The following ZKSCAN4 variants were observed in gnomAD, a reference collection of about 807,000 sequenced individuals.
ZKSCAN4 encodes the protein zinc finger protein with KRAB and SCAN domains 4.
In ZKSCAN4, 23 loss-of-function variants were observed where a neutral mutation model predicts 30.8. That is an observed-to-expected ratio of 0.75 (90% confidence interval 0.54 to 1.06). The LOEUF is 1.06. ZKSCAN4 is among the 50% of genes least tolerant of loss of function. The probability of loss-of-function intolerance (pLI) is 0.00; values close to 1 mark genes in which losing one functional copy is unlikely to be tolerated. For synonymous variants in ZKSCAN4, 208 were observed against 252.5 expected (o/e 0.82, Z 1.67); for missense variants, 556 against 665.4 (o/e 0.84, Z 1.81).
upstream of ZKSCAN4, among the ~76,000 whole-genome samples, chr6:28,252,379 C>T (rs1276182405): frequency 6.6e-6 from 1 of 151,996 alleles, no homozygotes; most frequent in Non-Finnish European, 1.5e-5. Flanking sequence ...TCCTTACCTC[C>T]ACGCAAGGGA....
the ZKSCAN4 span, among the ~76,000 whole-genome samples, chr6:28,258,016 C>T: frequency 2.0e-5 from 3 of 152,234 alleles, no homozygotes; most frequent in Non-Finnish European, 2.9e-5. Context: ...TGACCATTCA[C>T]ATATAATACT....
upstream of ZKSCAN4, among the ~76,000 whole-genome samples, chr6:28,254,134 A>T (rs544127982): frequency 6.6e-6 from 1 of 152,230 alleles, no homozygotes; most frequent in South Asian, 2.1e-4. Context: ...CCCAGGGAAG[A>T]GTTCAAGGGC....
At chr6:28,258,015 A>G in the ZKSCAN4 span, among the ~76,000 whole-genome samples, 84 of 152,236 alleles carry the variant, frequency 5.5e-4, no homozygotes, top group African/African-American at 2.0e-3. Context: ...GTGACCATTC[A>G]CATATAATAC....
In ZKSCAN4 at chr6:28,245,847, G is replaced by A. The variant is rs776021837; in HGVS notation, c.907C>T (p.Gln303Ter). The A allele has an allele frequency of 6.2e-7, 1 of 1,614,162 alleles. No homozygotes were observed. Among genetic ancestry groups the A allele is most frequent in the Non-Finnish European group, 8.5e-7 (1 of 1,180,020 alleles). The part of the protein sequence containing the change: ...QIPTHAEAGE[Q>*]EGRLQRKQKN... ...TGCTTTCTTTGTAACCTGCCCTCCT[G>A]TTCACCAGCTTCTGCATGTGTAGGA... Residue 303 changes from glutamine (Q) to a stop codon, truncating the protein, a stop_gained, in exon 5 of 5, where the codon CAG becomes TAG. Coordinates refer to ENST00000377294, the MANE Select transcript of ZKSCAN4 (RefSeq NM_019110.5). LOFTEE classifies it low-confidence loss of function (END_TRUNC).
chr6:28,255,318 A>G (rs1581594044), upstream of ZKSCAN4, among the ~76,000 whole-genome samples: 1 of 152,190 alleles, frequency 6.6e-6, no homozygotes, highest in African/African-American at 2.4e-5. Flanking sequence ...GCTGCTTTTT[A>G]TAGCTTTCTC....
rs1270648163 is a variant in ZKSCAN4 at position 28,242,834 on chromosome 6, T to C, written c.*2282A>G. Among the ~76,000 whole-genome samples the C allele has an allele frequency of 6.6e-6, 1 of 152,232 alleles. No individual in the cohort carries two copies. Among genetic ancestry groups the C allele is most frequent in the Non-Finnish European group, 1.5e-5 (1 of 68,032 alleles). On this transcript the variant is annotated 3_prime_UTR_variant, in exon 5 of 5. Transcript: ENST00000377294. ...GCATAGCAGACACTGAAAAGTACTTTTCTACAATATTTCCCTCCTCTACAG... is the reference window on the plus strand; with the variant it reads ...GCATAGCAGACACTGAAAAGTACTTCTCTACAATATTTCCCTCCTCTACAG...
At position 28,244,532 on chromosome 6, in the gene ZKSCAN4, A is replaced by G. The variant is rs1760619709; in HGVS notation, c.*584T>C. ...ACAGTATGTACGTGGCAACAAATAC[A>G]CTAGATTGGCCCAGAATCTAGAACC... On this transcript the variant is annotated 3_prime_UTR_variant, in exon 5 of 5. Transcript: ENST00000377294. The G allele has an allele frequency of 6.0e-6, 1 of 166,410 alleles. No homozygotes were observed. The highest frequency in any genetic ancestry group is 1.5e-4 in the South Asian group (1 of 6,536). The allele number at this position is 166,410 out of a possible 1,614,324, so 10.3% of individuals were successfully genotyped here.
Position 28,245,653 on chromosome 6 carries a change from CT to C in ZKSCAN4, c.1100del (p.Gln367ArgfsTer82). Reference protein sequence around the residue: ...FIGSSALVIHQRVHTGEKPYE... With the variant: ...FIGSSALVIHXRVHTGEKPYE... ...ATGGCTTCTCACCAGTGTGGACTCT[CT>C]GATGAATGACAAGGGCAGAGCTCCC... is the stretch of plus-strand genomic sequence containing the variant. On this transcript the variant is annotated frameshift_variant, in exon 5 of 5. Coordinates refer to ENST00000377294, the MANE Select transcript of ZKSCAN4 (RefSeq NM_019110.5). LOFTEE classifies it low-confidence loss of function (END_TRUNC). The C allele has an allele frequency of 6.2e-7, 1 of 1,614,224 alleles. No homozygotes were observed. Among genetic ancestry groups the C allele is most frequent in the Admixed American group, 1.7e-5 (1 of 60,020 alleles).
rs762597937 is a variant in ZKSCAN4, at chr6:28,245,451, T to A, written c.1303A>T (p.Asn435Tyr). The A allele has an allele frequency of 6.2e-7, 1 of 1,614,112 alleles. No individual in the cohort carries two copies. Residue 435 changes from asparagine to tyrosine, a missense_variant, in exon 5 of 5, where the codon AAT (asparagine) becomes TAT (tyrosine). By Grantham distance (143) the Asn-to-Tyr change is moderately radical. This residue lies in a region of ZKSCAN4 where 433 missense variants were observed against 511.5 expected (regional missense o/e 0.85). Coordinates refer to ENST00000377294, the MANE Select transcript of ZKSCAN4 (RefSeq NM_019110.5). ...IHTGEKPYQC[N>Y]MCGKAFRRNS... ...CGCCTAAAGGCTTTGCCACACATATTGCACTGGTATGGCTTCTCCCCAGTA... is the reference window on the plus strand; with the variant it reads ...CGCCTAAAGGCTTTGCCACACATATAGCACTGGTATGGCTTCTCCCCAGTA...
chr6:28,253,398 A>T (rs1761087618), upstream of ZKSCAN4, among the ~76,000 whole-genome samples: 1 of 152,226 alleles, frequency 6.6e-6, no homozygotes, highest in African/African-American at 2.4e-5. The surrounding 1 kb of genome is among the most constrained non-coding windows in gnomAD (Gnocchi z 4.2). Flanking sequence ...AAATAACATA[A>T]CTTAAGAAAA....
chr6:28,253,944 G>C (rs1248946529), upstream of ZKSCAN4, among the ~76,000 whole-genome samples: 1 of 152,152 alleles, frequency 6.6e-6, no homozygotes, highest in Non-Finnish European at 1.5e-5. The surrounding 1 kb of genome is among the most constrained non-coding windows in gnomAD (Gnocchi z 4.2). Context: ...GAGCCACCAC[G>C]CCTGGCCAAC....
In ZKSCAN4 at chr6:28,249,231, A is replaced by C. The variant is rs1407431773; in HGVS notation, c.571+456T>G. 6.6e-6 allele frequency among the ~76,000 whole-genome samples: 1 copy of C among 152,194 alleles called. No individual in the cohort carries two copies. Among genetic ancestry groups the C allele is most frequent in the Non-Finnish European group, 1.5e-5 (1 of 68,032 alleles). On this transcript the variant is annotated intron_variant, in intron 2 of 4. Transcript: ENST00000377294. This position sits in a 1 kb window ranked among gnomAD's most constrained non-coding sequence, Gnocchi z 4.1. ...TTGCAGCAGTCCTACTATCTCTGGA[A>C]TGTTCTGGCTGGCTTTACAAATTCT...
chr6:28,249,705 G>A lies in ZKSCAN4; in HGVS notation c.553C>T (p.Gln185Ter), dbSNP rs1432934885. 1.2e-6 allele frequency: 2 copies of A among 1,613,896 alleles called. No homozygotes were observed. Among genetic ancestry groups the A allele is most frequent in the East Asian group, 4.5e-5 (2 of 44,886 alleles). ...TACTCACCTCTATCGTGTAAGGGCT[G>A]GGATCCCAGAGATTCATGCTTGAAC... is the stretch of plus-strand genomic sequence containing the variant. Reference protein sequence around the residue: ...ALFKHESLGSQPLHDRVLQVP... With the variant: ...ALFKHESLGS Residue 185 changes from glutamine (Q) to a stop codon, truncating the protein, a stop_gained, in exon 2 of 5, where the codon CAG becomes TAG. Transcript: ENST00000377294. LOFTEE classifies it high-confidence loss of function. The surrounding 1 kb of genome is among the most constrained non-coding windows in gnomAD (Gnocchi z 4.1).
In ZKSCAN4 at chr6:28,245,541, CAT is replaced by C; in HGVS notation, c.1211_1212del (p.Tyr404Ter). On this transcript the variant is annotated frameshift_variant, in exon 5 of 5. Transcript: ENST00000377294. LOFTEE classifies it low-confidence loss of function (END_TRUNC). ...AAGGTCTTCCCACAGTCATCACACT[CAT>C]AGGGCTTCTCCCCAGTGTGGGTTCT... ...HQRTHTGEKP[Y>X]ECDDCGKTFS... 1 of 1,614,082 alleles carries C rather than the reference CAT, an allele frequency of 6.2e-7. No individual in the cohort carries two copies.
In ZKSCAN4 at chr6:28,252,102, G is replaced by T. The variant is rs530669205; in HGVS notation, c.-122C>A. 220 of 1,136,358 alleles carry T rather than the reference G, an allele frequency of 1.9e-4. No individual in the cohort carries two copies. Among genetic ancestry groups the T allele is most frequent in the Admixed American group, 8.2e-4 (32 of 38,810 alleles). The allele number at this position is 1,136,358 out of a possible 1,614,324, so 70.4% of individuals were successfully genotyped here. On this transcript the variant is annotated 5_prime_UTR_variant, in exon 1 of 5. Coordinates refer to ENST00000377294, the MANE Select transcript of ZKSCAN4 (RefSeq NM_019110.5). ...GTGGTCCCCCTCCTGTCATGCCCAG[G>T]GGCCCAGGACACCCCCTGAGGCGCA...
intron 1 of ZKSCAN4, among the ~76,000 whole-genome samples, chr6:28,250,598 A>G (rs759040826): frequency 2.6e-5 from 4 of 152,224 alleles, no homozygotes; most frequent in Non-Finnish European, 5.9e-5. Flanking sequence ...TTTCTACTTT[A>G]TGAGGTTTTG....
At chr6:28,250,050 T>G (rs553160859) in intron 1 of ZKSCAN4, among the ~76,000 whole-genome samples, 19 of 152,046 alleles carry the variant, frequency 1.2e-4, no homozygotes, top group African/African-American at 4.3e-4. Context: ...CAGCATTTTT[T>G]TTGTTGTTGT....
rs990280622 is a variant in ZKSCAN4, at chr6:28,252,018, C to A, written c.-38G>T. ...CAGTACTCGGGTCTCACTCTAGTTGCGACCTGTATATCTTCAGAGGATTCT... is the reference window on the plus strand; with the variant it reads ...CAGTACTCGGGTCTCACTCTAGTTGAGACCTGTATATCTTCAGAGGATTCT... On this transcript the variant is annotated 5_prime_UTR_variant, in exon 1 of 5. Coordinates refer to ENST00000377294, the MANE Select transcript of ZKSCAN4 (RefSeq NM_019110.5). 1 of 1,507,048 alleles carries A rather than the reference C, an allele frequency of 6.6e-7. No homozygotes were observed. The allele number at this position is 1,507,048 out of a possible 1,614,324, so 93.4% of individuals were successfully genotyped here. A position where few individuals can be genotyped will look rare whatever the true frequency, so the allele number is the denominator to read the frequency against.
At chr6:28,258,891 A>G in the ZKSCAN4 span, among the ~76,000 whole-genome samples, 2 of 152,038 alleles carry the variant, frequency 1.3e-5, no homozygotes, top group Non-Finnish European at 2.9e-5. Flanking sequence ...GGAAGTGATT[A>G]ATTAAACATA....
Sources: gnomAD v4.1 joint callset for allele counts (sites outside exome capture counted in the v4.1 genomes callset) on GRCh38, gnomAD v4.1.1 for gene constraint, gnomAD v4.1.1 regional missense constraint, Gnocchi (gnomAD v3.1) non-coding constraint, MANE v1.5 for transcripts, NCBI Gene and HGNC (gene_info 2026-07-23, HGNC 2026-07-21) for gene names.